RNF111: variants seen among roughly 807,000 people sequenced by gnomAD.
RNF111 encodes ring finger protein 111, also known as E3 ubiquitin-protein ligase Arkadia.
A neutral mutation model predicts 95.1 loss-of-function variants in RNF111; 17 were observed. The ratio of observed to expected loss-of-function variants is 0.18; its 90% CI spans 0.12 to 0.27. RNF111 has a LOEUF of 0.27. Ranked by LOEUF, RNF111 falls within the 10% of genes least tolerant of loss-of-function variation. RNF111 has a pLI of 1.00. For missense variants in RNF111, 1,189 were observed against 1,210.4 expected, an observed-to-expected ratio of 0.98 and a Z score of 0.26; for synonymous variants, 440 against 414.8, an observed-to-expected ratio of 1.06 and a Z score of -0.74.
chr15:59,054,123 G>C (rs1566914769), intron 3 of RNF111, among the ~76,000 whole-genome samples: 2 of 151,968 alleles, frequency 1.3e-5, no homozygotes, highest in Non-Finnish European at 2.9e-5. Context: ...ATTTTTAGTA[G>C]AGACGGGGTT....
At chr15:59,094,166 T>G (rs1039083139) in intron 13 of RNF111, among the ~76,000 whole-genome samples, 42 of 152,156 alleles carry the variant, frequency 2.8e-4, no homozygotes, top group African/African-American at 9.2e-4. Context: ...TGTTAAACAG[T>G]AGCACAATAT....
In RNF111 at chr15:59,058,382, G is replaced by T; in HGVS notation, c.1198G>T (p.Ala400Ser). 1 of 1,613,980 alleles carries T rather than the reference G, an allele frequency of 6.2e-7. No individual in the cohort carries two copies. Among genetic ancestry groups the T allele is most frequent in the Non-Finnish European group, 8.5e-7 (1 of 1,179,942 alleles). Reference sequence around the variant, plus strand: ...ACCTACTGTAGTACCAACCACTTCTGCAAGAATGGAATCACAAGCTACTAG... The same window carrying T: ...ACCTACTGTAGTACCAACCACTTCTTCAAGAATGGAATCACAAGCTACTAG... ...DEPTVVPTTS[A>S]RMESQATSAS... The change falls in exon 5 of 14, where the codon GCA (alanine) becomes TCA (serine). Residue 400 changes from alanine (A) to serine (S), a missense_variant. Ala to Ser is a moderately conservative substitution (Grantham distance 99). Transcript: ENST00000348370.
At chr15:59,013,160 G>A (rs960254634) in intron 1 of RNF111, among the ~76,000 whole-genome samples, 3 of 152,174 alleles carry the variant, frequency 2.0e-5, no homozygotes, top group Non-Finnish European at 2.9e-5. Context: ...ATCAGGGGAA[G>A]TTTGTAAATA....
chr15:59,082,307 T>A (rs2078768244), intron 8 of RNF111, among the ~76,000 whole-genome samples: 1 of 152,196 alleles, frequency 6.6e-6, no homozygotes, highest in Non-Finnish European at 1.5e-5. Context: ...TGTGAGCTAA[T>A]CTTTTGTCTG....
Position 59,031,491 on chromosome 15 carries a change from G to T in RNF111, c.669G>T (p.Gln223His), listed in dbSNP as rs1228767221. The T allele has an allele frequency of 1.2e-6, 2 of 1,614,166 alleles. No homozygotes were observed. Among genetic ancestry groups the T allele is most frequent in the Non-Finnish European group, 1.7e-6 (2 of 1,180,028 alleles). The part of the protein sequence containing the change: ...RKRFVKNNSS[Q>H]RTQKQKERIL... ...GATTTGTAAAAAATAATTCCTCACA[G>T]AGGACACAGAAACAAAAAGAGAGGA... Residue 223 changes from glutamine to histidine, a missense_variant, in exon 2 of 14, where the codon CAG becomes CAT. Gln to His is a conservative substitution (Grantham distance 24). Transcript: ENST00000348370.
At position 58,997,498 on chromosome 15, in the gene RNF111, T is replaced by A. The variant is rs546546790; in HGVS notation, c.-20+9430T>A. Among the ~76,000 whole-genome samples, 30 of 149,860 alleles carry A rather than the reference T, an allele frequency of 2.0e-4. No homozygotes were observed. The South Asian group carries it at 6.3e-3, about 31-fold the overall frequency. ...GCATTAGTAATCACTATGTTCTTCA[T>A]GACTACACATTTGCAGTTAAAAAAA... On this transcript the variant is annotated intron_variant, in intron 1 of 13. Coordinates refer to ENST00000348370, the MANE Select transcript of RNF111 (RefSeq NM_017610.8).
intron 5 of RNF111, among the ~76,000 whole-genome samples, chr15:59,064,049 C>G (rs780926264): frequency 2.6e-5 from 4 of 152,080 alleles, no homozygotes; most frequent in Non-Finnish European, 4.4e-5. Flanking sequence ...AATTACTATA[C>G]ATATTATAAT....
In RNF111 at chr15:58,989,796, CTAGT is replaced by C. The variant is rs1175202380; in HGVS notation, c.-20+1731_-20+1734del. Among the ~76,000 whole-genome samples the C allele has an allele frequency of 1.4e-4, 21 of 152,042 alleles. No homozygotes were observed. The South Asian group carries it at 4.4e-3, about 32-fold the overall frequency. ...AGGTGCAGTCATTTAGCAGATACTC[CTAGT>C]TATTTTACTTTAAAATAAAAAATAT... On this transcript the variant is annotated intron_variant, in intron 1 of 13. Coordinates refer to ENST00000348370, the MANE Select transcript of RNF111 (RefSeq NM_017610.8).
rs536982767 is a variant in RNF111 at position 59,095,430 on chromosome 15, A to T, written c.*530A>T. 2.0e-4 allele frequency: 32 copies of T among 156,668 alleles called. No individual in the cohort carries two copies. Among genetic ancestry groups the T allele is most frequent in the Non-Finnish European group, 1.1e-4 (8 of 71,362 alleles). 9.7% of individuals were successfully genotyped at this position (156,668 alleles called of 1,614,324 possible). On this transcript the variant is annotated 3_prime_UTR_variant, in exon 14 of 14. Coordinates refer to ENST00000348370, the MANE Select transcript of RNF111 (RefSeq NM_017610.8). ...TGTATATTTACTATATGGAGTTCTGAGTTAAATACCATCCTTAATACTGGG... is the reference window on the plus strand; with the variant it reads ...TGTATATTTACTATATGGAGTTCTGTGTTAAATACCATCCTTAATACTGGG...
chr15:59,058,578 CT>C (rs573246786), intron 5 of RNF111, 28 bp downstream of exon 5: 1 of 1,588,070 alleles, frequency 6.3e-7, no homozygotes, highest in Non-Finnish European at 8.6e-7. Context: ...GGAGGGGAGA[CT>C]TTTTGTCATT....
rs1596298773 is a variant in RNF111 at position 59,081,370 on chromosome 15, C to T, written c.2297+86C>T. On this transcript the variant is annotated intron_variant, in intron 8 of 13. Coordinates refer to ENST00000348370, the MANE Select transcript of RNF111 (RefSeq NM_017610.8). ...TTTACAACTCTGAAATCCAACTAGG[C>T]ATGGTGGCATGCACTTGTAGTCACA... 9.7e-6 allele frequency: 11 copies of T among 1,130,576 alleles called. No individual in the cohort carries two copies. The East Asian group carries it at 2.8e-4, about 29-fold the overall frequency. The allele number at this position is 1,130,576 out of a possible 1,614,324, so 70.0% of individuals were successfully genotyped here. A position where few individuals can be genotyped will look rare whatever the true frequency, so the allele number is the denominator to read the frequency against.
At chr15:59,089,068 T>C (rs1488179839) in intron 10 of RNF111, among the ~76,000 whole-genome samples, 2 of 152,182 alleles carry the variant, frequency 1.3e-5, no homozygotes, top group Admixed American at 1.3e-4. Context: ...CAGAGTTGCA[T>C]GTTGGGCAAC....
intron 5 of RNF111, among the ~76,000 whole-genome samples, chr15:59,059,498 A>G (rs1566920490): frequency 1.3e-5 from 2 of 152,202 alleles, no homozygotes; most frequent in South Asian, 2.1e-4. Flanking sequence ...CACTAAGTCT[A>G]CTCCTTAGTT....
At chr15:59,008,244 G>C (rs1305464743) in intron 1 of RNF111, among the ~76,000 whole-genome samples, 1 of 152,288 alleles carries the variant, frequency 6.6e-6, no homozygotes, top group East Asian at 1.9e-4. Context: ...GGAGACAAGA[G>C]TCTTTCTCTG....
intron 1 of RNF111, among the ~76,000 whole-genome samples, chr15:58,999,692 A>C (rs2039240195): frequency 6.6e-6 from 1 of 152,110 alleles, no homozygotes; most frequent in African/African-American, 2.4e-5. Flanking sequence ...TTACTTTCTA[A>C]TAGGGTAAGG....
At chr15:59,067,241 CTTT>C (rs60929391) in intron 6 of RNF111, among the ~76,000 whole-genome samples, 158 bp downstream of exon 6, 13 of 141,252 alleles carry the variant, frequency 9.2e-5, no homozygotes, top group East Asian at 2.1e-4. Context: ...CCTCCGTTTC[CTTT>C]TTTTTTTTTT....
At chr15:59,084,709 A>G (rs2078847769) in intron 9 of RNF111, among the ~76,000 whole-genome samples, 1 of 152,082 alleles carries the variant, frequency 6.6e-6, no homozygotes, top group African/African-American at 2.4e-5. Flanking sequence ...GAATATCAGA[A>G]CTTACTCCTC....
intron 1 of RNF111, chr15:59,004,153 G>A: frequency 1.7e-6 from 2 of 1,211,114 alleles, no homozygotes; most frequent in Non-Finnish European, 2.1e-6. Context: ...ATAGATGGCA[G>A]TTCTGGATTA....
At chr15:59,044,285 C>G (rs2041606300) in intron 2 of RNF111, among the ~76,000 whole-genome samples, 1 of 152,202 alleles carries the variant, frequency 6.6e-6, no homozygotes, top group South Asian at 2.1e-4. Flanking sequence ...TCTGCCTTGG[C>G]CTCCCAAAGT....
Sources: allele counts gnomAD v4.1 joint callset (sites outside exome capture counted in the v4.1 genomes callset), GRCh38; gene constraint gnomAD v4.1.1; transcripts MANE v1.5; gene names NCBI Gene and HGNC (gene_info 2026-07-23, HGNC 2026-07-21).